The following ATP6V1B2 variants were observed in gnomAD, a reference collection of about 807,000 sequenced individuals.
ATP6V1B2 encodes ATPase H+ transporting V1 subunit B2, also known as V-type proton ATPase subunit B, brain isoform.
ATP6V1B2 carries 23 observed loss-of-function variants against 66.7 expected under a neutral mutation model. That is an observed-to-expected ratio of 0.34 (90% CI 0.25 to 0.49). The LOEUF is 0.49. Ranked by LOEUF, ATP6V1B2 falls within the 20% of genes least tolerant of loss-of-function variation. ATP6V1B2 has a pLI of 0.99. For missense variants in ATP6V1B2, 478 were observed against 650.8 expected, an observed-to-expected ratio of 0.73 and a Z score of 2.89; for synonymous variants, 278 against 236.7, an observed-to-expected ratio of 1.17 and a Z score of -1.60.
intron 9 of ATP6V1B2, 123 bp downstream of exon 9, chr8:20,213,028 T>A: frequency 7.5e-7 from 1 of 1,327,394 alleles, no homozygotes; most frequent in East Asian, 2.4e-5. Flanking sequence ...ATTAATAGAA[T>A]GCCTTAATAA....
chr8:20,212,250 G>T, intron 8 of ATP6V1B2, 51 bp downstream of exon 8: 1 of 1,553,992 alleles, frequency 6.4e-7, no homozygotes, highest in Non-Finnish European at 8.9e-7. Flanking sequence ...GATCAAAAGT[G>T]TGTCTTAAGG....
chr8:20,197,455 C>A lies in ATP6V1B2; in HGVS notation c.49C>A (p.Leu17Ile). The A allele has an allele frequency of 6.5e-7, 1 of 1,539,722 alleles. No homozygotes were observed. The highest frequency in any genetic ancestry group is 1.2e-5 in the South Asian group (1 of 84,150). ...RGIVNGAAPELPVPTGGPAVG... is the reference protein window; with the variant it reads ...RGIVNGAAPEIPVPTGGPAVG... ...GATTGTCAACGGGGCCGCACCCGAG[C>A]TACCCGTGCCCACCGGTGGGCCGGC... Residue 17 changes from leucine (L) to isoleucine (I), a missense_variant, in exon 1 of 14, where the codon CTA becomes ATA. By Grantham distance (5) the Leu-to-Ile change is conservative. Around this residue, in one of 2 missense-constraint regions of ATP6V1B2, gnomAD observed 152 missense variants for 105.2 expected, o/e 1.44. Transcript: ENST00000276390.
intron 9 of ATP6V1B2, 149 bp downstream of exon 9, chr8:20,213,054 A>G: frequency 2.6e-6 from 3 of 1,132,302 alleles, no homozygotes; most frequent in Non-Finnish European, 3.7e-6. Flanking sequence ...AAAGGAAACT[A>G]CTTCGTTTTT....
In ATP6V1B2 at chr8:20,211,256, C is replaced by T. The variant is rs1313908660; in HGVS notation, c.543C>T (p.Asn181=). 2.5e-6 allele frequency: 4 copies of T among 1,613,134 alleles called. No homozygotes were observed. In the African/African-American group the frequency reaches 4.0e-5, roughly 16 times the overall value. Reference sequence around the variant, plus strand: ...GCATTTCGGCCATCGATGGGATGAACAGTATTGCTAGGGGGCAGAAAATTC... The same window carrying T: ...GCATTTCGGCCATCGATGGGATGAATAGTATTGCTAGGGGGCAGAAAATTC... The part of the protein sequence containing the change: ...QTGISAIDGM[N]SIARGQKIPI... Residue 181 remains asparagine (N), a synonymous_variant, in exon 6 of 14, where the codon AAC becomes AAT. Transcript: ENST00000276390.
intron 13 of ATP6V1B2, among the ~76,000 whole-genome samples, chr8:20,219,523 T>A (rs1033603405): frequency 4.6e-5 from 7 of 152,104 alleles, no homozygotes; most frequent in African/African-American, 1.4e-4. Context: ...AACAGGTGTG[T>A]TTACTTTGGA....
chr8:20,197,545 G>T lies in ATP6V1B2; in HGVS notation c.136+3G>T. On this transcript the variant is annotated splice_donor_region_variant and intron_variant, in intron 1 of 13. Coordinates refer to ENST00000276390, the MANE Select transcript of ATP6V1B2 (RefSeq NM_001693.4). ...CTACCTCTCCCAGCCTCGCCTCAGTGAGTATCAGAGAGTAATACGTCTCCG... is the reference window on the plus strand; with the variant it reads ...CTACCTCTCCCAGCCTCGCCTCAGTTAGTATCAGAGAGTAATACGTCTCCG... 7.3e-7 allele frequency: 1 copy of T among 1,376,362 alleles called. No homozygotes were observed. 85.3% of individuals were successfully genotyped at this position (1,376,362 alleles called of 1,614,324 possible).
At chr8:20,205,940 T>A (rs184922001) in intron 2 of ATP6V1B2, among the ~76,000 whole-genome samples, 1 of 152,350 alleles carries the variant, frequency 6.6e-6, no homozygotes, top group East Asian at 1.9e-4. Flanking sequence ...ACAATGTAAT[T>A]CAACACATTC....
intron 2 of ATP6V1B2, among the ~76,000 whole-genome samples, chr8:20,208,790 C>G (rs1388207637): frequency 6.6e-6 from 1 of 151,460 alleles, no homozygotes; most frequent in East Asian, 1.9e-4. Flanking sequence ...TCACTGCAAC[C>G]TCCGTCTCCC....
intron 1 of ATP6V1B2, among the ~76,000 whole-genome samples, chr8:20,199,494 C>T (rs1394617548): frequency 1.3e-5 from 2 of 151,872 alleles, no homozygotes; most frequent in Non-Finnish European, 2.9e-5. Context: ...CATACTTAGG[C>T]TAACAACTAA....
chr8:20,212,924 T>C lies in ATP6V1B2; in HGVS notation c.927+19T>C. On this transcript the variant is annotated intron_variant, in intron 9 of 13. Coordinates refer to ENST00000276390, the MANE Select transcript of ATP6V1B2 (RefSeq NM_001693.4). ...TCGAGAGGTAAGTTGTTCATGTTTT[T>C]CCCTCAGTTAAACAAAATTGGTTAA... 5 of 1,612,822 alleles carry C rather than the reference T, an allele frequency of 3.1e-6. No individual in the cohort carries two copies. Among genetic ancestry groups the C allele is most frequent in the Non-Finnish European group, 4.2e-6 (5 of 1,179,354 alleles).
At chr8:20,197,964 G>T (rs1334443676) in intron 1 of ATP6V1B2, among the ~76,000 whole-genome samples, 1 of 152,202 alleles carries the variant, frequency 6.6e-6, no homozygotes, top group African/African-American at 2.4e-5. Flanking sequence ...ACCTCAATGG[G>T]GTCTTCAACT....
intron 9 of ATP6V1B2, chr8:20,214,328 T>G (rs1311142810): frequency 1.3e-5 from 2 of 152,368 alleles, no homozygotes; most frequent in Non-Finnish European, 2.9e-5. Context: ...CAACTGTTAA[T>G]TGGAGGTAGC....
intron 3 of ATP6V1B2, among the ~76,000 whole-genome samples, chr8:20,209,829 GT>G (rs1332160029): frequency 1.3e-5 from 2 of 152,170 alleles, no homozygotes; most frequent in East Asian, 3.9e-4. Context: ...ATCTGTCTGA[GT>G]TTCTTCCTTT....
chr8:20,208,468 G>T (rs1218077695), intron 2 of ATP6V1B2, among the ~76,000 whole-genome samples: 1 of 152,118 alleles, frequency 6.6e-6, no homozygotes, highest in East Asian at 1.9e-4. Context: ...AATAAATTAT[G>T]TTGATAAAAT....
In ATP6V1B2 at chr8:20,210,646, G is replaced by A; in HGVS notation, c.463G>A (p.Gly155Ser). 1 of 1,611,442 alleles carries A rather than the reference G, an allele frequency of 6.2e-7. No individual in the cohort carries two copies. The highest frequency in any genetic ancestry group is 8.5e-7 in the Non-Finnish European group (1 of 1,177,624). ...VLAEDFLDIM[G>S]QPINPQCRIY... ...GGCCGAAGACTTCCTTGATATCATG[G>A]GTAGGTACAGTAGATGGATTGCTGT... is the stretch of plus-strand genomic sequence containing the variant. The change falls in exon 5 of 14, where the codon GGT (glycine) becomes AGT (serine). Residue 155 changes from glycine to serine, a missense_variant and splice_region_variant. Transcript: ENST00000276390.
At chr8:20,197,953 G>A (rs1335064545) in intron 1 of ATP6V1B2, among the ~76,000 whole-genome samples, 1 of 152,180 alleles carries the variant, frequency 6.6e-6, no homozygotes, top group Admixed American at 6.5e-5. Flanking sequence ...CCCTGGTGAG[G>A]ACCTCAATGG....
At chr8:20,207,991 G>A (rs1269024602) in intron 2 of ATP6V1B2, among the ~76,000 whole-genome samples, 1 of 152,144 alleles carries the variant, frequency 6.6e-6, no homozygotes, top group Non-Finnish European at 1.5e-5. Context: ...TACAAGTTAG[G>A]AAAATGCAAA....
Position 20,197,502 on chromosome 8 carries a change from G to C in ATP6V1B2, c.96G>C (p.Ala32=). The C allele has an allele frequency of 6.7e-7, 1 of 1,489,028 alleles. No individual in the cohort carries two copies. The highest frequency in any genetic ancestry group is 8.9e-7 in the Non-Finnish European group (1 of 1,117,738). The allele number at this position is 1,489,028 out of a possible 1,614,324, so 92.2% of individuals were successfully genotyped here. A position where few individuals can be genotyped will look rare whatever the true frequency, so the allele number is the denominator to read the frequency against. Residue 32 remains alanine (A), a synonymous_variant, in exon 1 of 14, where the codon GCG becomes GCC. Transcript: ENST00000276390. ...GGPAVGAREQ[A]LAVSRNYLSQ... ...CGGCGGTGGGAGCTCGGGAGCAGGC[G>C]CTGGCAGTCAGTCGGAACTACCTCT...
intron 1 of ATP6V1B2, chr8:20,204,004 C>A: frequency 2.2e-6 from 1 of 456,058 alleles, no homozygotes; most frequent in Non-Finnish European, 4.4e-6. Context: ...GTCACTTCTG[C>A]GTAACATTAA....
Sources: gnomAD v4.1 joint callset for allele counts (sites outside exome capture counted in the v4.1 genomes callset) on GRCh38, gnomAD v4.1.1 for gene constraint, gnomAD v4.1.1 regional missense constraint, MANE v1.5 for transcripts, NCBI Gene and HGNC (gene_info 2026-07-23, HGNC 2026-07-21) for gene names.